The following CSMD2 variants were observed in gnomAD, a reference collection of about 807,000 sequenced individuals.
CSMD2 encodes the protein CUB and Sushi multiple domains 2.
Under a neutral mutation model 398.5 loss-of-function variants are expected in CSMD2, and 130 were observed. That is an observed-to-expected ratio of 0.33 (90% CI 0.28 to 0.38). The LOEUF (loss-of-function observed/expected upper bound fraction) is 0.38. Ranked by LOEUF, CSMD2 falls within the 10% of genes least tolerant of loss-of-function variation. The pLI, the probability that CSMD2 is intolerant of heterozygous loss-of-function variation, is 1.00. For synonymous variants in CSMD2, 1,828 were observed against 1,908.5 expected, an observed-to-expected ratio of 0.96 and a Z score of 1.10; for missense variants, 3,829 against 4,764.9, an observed-to-expected ratio of 0.80 and a Z score of 5.78.
intron 5 of CSMD2, among the ~76,000 whole-genome samples, chr1:33,909,341 T>C (rs1306849060): frequency 6.6e-6 from 1 of 152,124 alleles, no homozygotes; most frequent in African/African-American, 2.4e-5. Flanking sequence ...AAAAGTCAGG[T>C]CTCAGCTTAA....
chr1:34,153,517 G>A (rs140797912), intron 1 of CSMD2, among the ~76,000 whole-genome samples: 37 of 152,338 alleles, frequency 2.4e-4, no homozygotes, highest in African/African-American at 8.7e-4. Flanking sequence ...GAGCCTGTGT[G>A]TAGCTGCCTC....
intron 10 of CSMD2, among the ~76,000 whole-genome samples, chr1:33,806,695 A>C (rs1209485110): frequency 6.6e-6 from 1 of 152,228 alleles, no homozygotes; most frequent in Non-Finnish European, 1.5e-5. Context: ...AGTTTATAAA[A>C]TATGACAATA....
At chr1:33,973,719 G>T (rs554704466) in intron 3 of CSMD2, among the ~76,000 whole-genome samples, 11 of 152,296 alleles carry the variant, frequency 7.2e-5, no homozygotes, top group Non-Finnish European at 1.5e-4. Flanking sequence ...GGGGAGACAG[G>T]ACTCCTACAC....
intron 2 of CSMD2, among the ~76,000 whole-genome samples, chr1:34,054,900 T>C (rs1653647024): frequency 6.6e-6 from 1 of 152,202 alleles, no homozygotes; most frequent in African/African-American, 2.4e-5. Context: ...GTCTATTCTT[T>C]GGGTTTGTTT....
At chr1:34,071,466 G>T (rs1351204) in intron 2 of CSMD2, among the ~76,000 whole-genome samples, 2 of 152,124 alleles carry the variant, frequency 1.3e-5, no homozygotes, top group Non-Finnish European at 2.9e-5. Context: ...AGATAGGGGA[G>T]GAGGTGGGTT....
At chr1:33,675,689 C>T (rs930354284) in intron 25 of CSMD2, among the ~76,000 whole-genome samples, 1 of 152,192 alleles carries the variant, frequency 6.6e-6, no homozygotes. Context: ...CCTTGATGAA[C>T]ATTGATGCAA....
chr1:33,583,619 T>C, intron 47 of CSMD2, 23 bp downstream of exon 47: 1 of 1,609,198 alleles, frequency 6.2e-7, no homozygotes, highest in Admixed American at 1.7e-5. Flanking sequence ...AGCAGAGAAC[T>C]GTGAGGCATT....
At position 33,611,285 on chromosome 1, in the gene CSMD2, C is replaced by A. The variant is rs144585220; in HGVS notation, c.6134-35G>T. 338 of 1,561,000 alleles carry A rather than the reference C, an allele frequency of 2.2e-4. 1 individual carries two copies. In the African/African-American group the frequency reaches 4.1e-3, roughly 19 times the overall value. On this transcript the variant is annotated intron_variant, in intron 40 of 70. Coordinates refer to ENST00000373381, the MANE Select transcript of CSMD2 (RefSeq NM_001281956.2). Reference sequence around the variant, plus strand: ...AGACAGAGGCAGACAGTGCCCAAAGCAACACAGTCCTGCCTCAAGTGTGCT... The same window carrying A: ...AGACAGAGGCAGACAGTGCCCAAAGAAACACAGTCCTGCCTCAAGTGTGCT...
At chr1:34,088,681 C>T (rs1658202627) in intron 2 of CSMD2, among the ~76,000 whole-genome samples, 1 of 152,198 alleles carries the variant, frequency 6.6e-6, no homozygotes. Flanking sequence ...TCTGTGTGTA[C>T]AAATAATACA....
Position 33,537,359 on chromosome 1 carries a change from A to C in CSMD2, c.9805+77T>G. ...TGAGACCACTGAAGACAGGGAAGGA[A>C]AGTAATCATCTCAGGCCCAAAAGAA... On this transcript the variant is annotated intron_variant, in intron 61 of 70. Transcript: ENST00000373381. The surrounding 1 kb of genome is among the most constrained non-coding windows in gnomAD (Gnocchi z 4.6). 7 of 1,416,684 alleles carry C rather than the reference A, an allele frequency of 4.9e-6. No individual in the cohort carries two copies. Among genetic ancestry groups the C allele is most frequent in the Non-Finnish European group, 6.8e-6 (7 of 1,032,642 alleles). 87.8% of individuals were successfully genotyped at this position (1,416,684 alleles called of 1,614,324 possible).
intron 44 of CSMD2, among the ~76,000 whole-genome samples, chr1:33,591,408 T>C (rs116641250): frequency 0.035 from 5,346 of 152,274 alleles, 243 homozygotes; most frequent in Admixed American, 0.13. Flanking sequence ...CCAGCTAATA[T>C]TGAAATGCCT....
chr1:33,745,408 C>A (rs1647265372), intron 13 of CSMD2, among the ~76,000 whole-genome samples: 1 of 152,010 alleles, frequency 6.6e-6, no homozygotes. Flanking sequence ...CATTTAAGTC[C>A]ATTTATAACA....
At chr1:33,976,412 C>T (rs1329357623) in intron 3 of CSMD2, among the ~76,000 whole-genome samples, 1 of 152,214 alleles carries the variant, frequency 6.6e-6, no homozygotes, top group African/African-American at 2.4e-5. Context: ...GGGATCTGGC[C>T]TCTGGCTTCA....
chr1:33,940,407 G>A (rs556254104), intron 3 of CSMD2, among the ~76,000 whole-genome samples: 10 of 152,102 alleles, frequency 6.6e-5, no homozygotes, highest in Non-Finnish European at 1.0e-4. Flanking sequence ...GGGCTGTTGC[G>A]CAGATTAAAA....
intron 5 of CSMD2, among the ~76,000 whole-genome samples, chr1:33,856,953 C>G (rs1186528314): frequency 6.6e-6 from 1 of 151,924 alleles, no homozygotes; most frequent in East Asian, 1.9e-4. Context: ...GACACGACAT[C>G]TACAATTCTT....
At chr1:33,724,835 A>G (rs973459090) in intron 17 of CSMD2, 131 bp from the exon 18 acceptor site, 26 of 816,530 alleles carry the variant, frequency 3.2e-5, no homozygotes, top group Non-Finnish European at 4.6e-5. Flanking sequence ...GACTCATGAA[A>G]TGTGGCCGTC....
chr1:33,655,336 T>G (rs1643915712), intron 27 of CSMD2, among the ~76,000 whole-genome samples: 1 of 152,240 alleles, frequency 6.6e-6, no homozygotes, highest in African/African-American at 2.4e-5. Context: ...AAAAGAATAA[T>G]GATGATAATG....
chr1:33,599,987 C>T (rs1278512776), intron 44 of CSMD2: 1 of 609,378 alleles, frequency 1.6e-6, no homozygotes, highest in Non-Finnish European at 3.0e-6. Flanking sequence ...CAGTTCTATC[C>T]ACATGGTTTT....
At chr1:34,155,050 T>C (rs1333158673) in intron 1 of CSMD2, among the ~76,000 whole-genome samples, 1 of 152,132 alleles carries the variant, frequency 6.6e-6, no homozygotes, top group East Asian at 1.9e-4. Flanking sequence ...TTTGAAGACA[T>C]ATATCAAACA....
Sources: allele counts gnomAD v4.1 joint callset (sites outside exome capture counted in the v4.1 genomes callset), GRCh38; gene constraint gnomAD v4.1.1; non-coding constraint Gnocchi (gnomAD v3.1); transcripts MANE v1.5; gene names NCBI Gene and HGNC (gene_info 2026-07-23, HGNC 2026-07-21).